CCM2: variants seen among roughly 807,000 people sequenced by gnomAD.
CCM2 encodes CCM2 scaffold protein.
CCM2 carries 25 observed loss-of-function variants against 44.9 expected under a neutral mutation model. That is an observed-to-expected ratio of 0.56 (90% CI 0.41 to 0.78). The LOEUF is 0.78. Ranked by LOEUF, CCM2 falls within the 30% of genes least tolerant of loss-of-function variation. The pLI, the probability that CCM2 is intolerant of heterozygous loss-of-function variation, is 0.00. For synonymous variants in CCM2, 219 were observed against 241.1 expected (o/e 0.91, Z 0.85); for missense variants, 481 against 580.6 (o/e 0.83, Z 1.76).
At chr7:45,023,405 C>A (rs1473926640) in intron 1 of CCM2, among the ~76,000 whole-genome samples, 1 of 152,074 alleles carries the variant, frequency 6.6e-6, no homozygotes, top group Non-Finnish European at 1.5e-5. Flanking sequence ...CAAAAATTAG[C>A]CGGGTGTGGT....
rs184432958 is a variant in CCM2, at chr7:45,007,013, G to C, written c.30+6650G>C. 2.6e-5 allele frequency among the ~76,000 whole-genome samples: 4 copies of C among 152,306 alleles called. No homozygotes were observed. The East Asian group carries it at 5.8e-4, about 22-fold the overall frequency. ...AGTGCAGTAGTAACTCATCAAGACAGAAGAGTAACAAGCCTTATGTTGCTG... is the reference window on the plus strand; with the variant it reads ...AGTGCAGTAGTAACTCATCAAGACACAAGAGTAACAAGCCTTATGTTGCTG... On this transcript the variant is annotated intron_variant, in intron 1 of 9. Transcript: ENST00000258781.
intron 5 of CCM2, 61 bp downstream of exon 5, chr7:45,068,640 G>T: frequency 6.2e-7 from 1 of 1,605,460 alleles, no homozygotes; most frequent in South Asian, 1.1e-5. Flanking sequence ...CTCATGGCCA[G>T]CCCCACCCTG....
chr7:45,068,713 G>A, intron 5 of CCM2, 134 bp downstream of exon 5: 1 of 1,151,492 alleles, frequency 8.7e-7, no homozygotes, highest in Non-Finnish European at 1.3e-6. Context: ...GCCATTGCCT[G>A]TCCCTGCCTC....
At chr7:45,064,079 G>C in intron 3 of CCM2, 78 bp downstream of exon 3, 1 of 1,027,150 alleles carries the variant, frequency 9.7e-7, no homozygotes, top group Admixed American at 1.8e-5. Context: ...TGGCCTCGTG[G>C]CTGTGAGGAA....
chr7:45,031,122 C>T (rs1796945576), intron 1 of CCM2, among the ~76,000 whole-genome samples: 1 of 151,758 alleles, frequency 6.6e-6, no homozygotes, highest in Non-Finnish European at 1.5e-5. Context: ...GTGGCTTACA[C>T]CTGTAATCCC....
rs982873952 is a variant in CCM2, at chr7:45,045,875, A to G, written c.204+7449A>G. ...ATATGTGGATATCAAAATTAAATCA[A>G]TACCATTCACAATCACTTAAAAAAT... On this transcript the variant is annotated intron_variant, in intron 2 of 9. Transcript: ENST00000258781. Among the ~76,000 whole-genome samples, 8 of 152,362 alleles carry G rather than the reference A, an allele frequency of 5.3e-5. No homozygotes were observed. The East Asian group carries it at 5.8e-4, about 11-fold the overall frequency.
At chr7:45,070,529 G>GT (rs1278555998) in intron 6 of CCM2, 1 of 445,172 alleles carries the variant, frequency 2.2e-6, no homozygotes, top group African/African-American at 2.0e-5. Context: ...ATTTTCAGGA[G>GT]TCTGTTAGTC....
At chr7:45,001,126 A>G (rs1042856370) in intron 1 of CCM2, among the ~76,000 whole-genome samples, 13 of 152,238 alleles carry the variant, frequency 8.5e-5, no homozygotes, top group African/African-American at 3.1e-4. Context: ...AGTTTAAAGC[A>G]GACCTCGATA....
At chr7:45,059,337 C>T (rs967038219) in intron 2 of CCM2, among the ~76,000 whole-genome samples, 6 of 151,340 alleles carry the variant, frequency 4.0e-5, no homozygotes, top group Admixed American at 2.6e-4. Context: ...AATCCCAGCA[C>T]TTTGGGAGGC....
At chr7:45,018,792 AC>A (rs1426101681) in intron 1 of CCM2, among the ~76,000 whole-genome samples, 4 of 139,824 alleles carry the variant, frequency 2.9e-5, no homozygotes, top group Non-Finnish European at 1.5e-5. Flanking sequence ...ATGGAGTCTT[AC>A]TCTGTCGCCA....
At chr7:45,005,164 C>T (rs1215593967) in intron 1 of CCM2, among the ~76,000 whole-genome samples, 1 of 152,132 alleles carries the variant, frequency 6.6e-6, no homozygotes, top group African/African-American at 2.4e-5. Context: ...AACTCAGGGT[C>T]AGGAGGCTGG....
intron 1 of CCM2, among the ~76,000 whole-genome samples, chr7:45,022,195 A>G (rs1796505825): frequency 6.6e-6 from 1 of 152,028 alleles, no homozygotes; most frequent in South Asian, 2.1e-4. Context: ...AATGAGAACA[A>G]ATGGAGATTA....
At chr7:45,069,508 T>C (rs1335753081) in intron 5 of CCM2, among the ~76,000 whole-genome samples, 5 of 152,328 alleles carry the variant, frequency 3.3e-5, no homozygotes, top group Non-Finnish European at 5.9e-5. Flanking sequence ...GGGATAGGGT[T>C]GTGAGGGTGT....
intron 1 of CCM2, among the ~76,000 whole-genome samples, chr7:45,034,252 C>A (rs1290345670): frequency 6.6e-6 from 1 of 151,912 alleles, no homozygotes; most frequent in South Asian, 2.1e-4. Flanking sequence ...TCTCTTGTTG[C>A]CCAGGCTGGA....
At chr7:45,053,483 A>G (rs913271868) in intron 2 of CCM2, among the ~76,000 whole-genome samples, 7 of 152,160 alleles carry the variant, frequency 4.6e-5, no homozygotes, top group Non-Finnish European at 8.8e-5. Flanking sequence ...TGTCCTGCCC[A>G]TGGAAACTCC....
intron 1 of CCM2, among the ~76,000 whole-genome samples, chr7:45,030,552 C>T (rs1410203694): frequency 1.3e-5 from 2 of 152,174 alleles, no homozygotes; most frequent in Non-Finnish European, 2.9e-5. Flanking sequence ...CCTCCCACCT[C>T]AGCCTCCTGA....
At chr7:45,055,659 G>C (rs1470273986) in intron 2 of CCM2, among the ~76,000 whole-genome samples, 1 of 152,230 alleles carries the variant, frequency 6.6e-6, no homozygotes. Context: ...CTGCACTCCA[G>C]CCTAGGTGAC....
chr7:45,040,779 G>A lies in CCM2; in HGVS notation c.204+2353G>A, dbSNP rs112564975. ...AGGGGGGCAGATCAGATGAGGCCAG[G>A]AGTTTGAGATCAGCCTGGCCAACAT... is the stretch of plus-strand genomic sequence containing the variant. On this transcript the variant is annotated intron_variant, in intron 2 of 9. Transcript: ENST00000258781. Among the ~76,000 whole-genome samples the A allele has an allele frequency of 3.9e-3, 590 of 152,322 alleles. 1 individual carries two copies. The highest frequency in any genetic ancestry group is 0.015 in the South Asian group (74 of 4,826).
chr7:45,071,000 C>T (rs1260530446), intron 6 of CCM2: 1 of 152,448 alleles, frequency 6.6e-6, no homozygotes, highest in Non-Finnish European at 1.5e-5. Context: ...GGTGCCAGAG[C>T]CCTTTGTGGG....
Sources: gnomAD v4.1 joint callset for allele counts (sites outside exome capture counted in the v4.1 genomes callset) on GRCh38, gnomAD v4.1.1 for gene constraint, MANE v1.5 for transcripts, NCBI Gene and HGNC (gene_info 2026-07-23, HGNC 2026-07-21) for gene names.